Variants in FAAH observed in about 807,000 individuals in gnomAD.
The protein encoded by FAAH is fatty-acid amide hydrolase 1.
In FAAH, 63 loss-of-function variants were observed where a neutral mutation model predicts 69.7. The observed-to-expected ratio is 0.90, with a 90% CI of 0.74 to 1.12. FAAH has a LOEUF of 1.12. FAAH is among the 50% of genes most tolerant of loss of function. FAAH has a pLI of 0.00. For missense variants in FAAH, 680 were observed against 755.0 expected, an observed-to-expected ratio of 0.90 and a Z score of 1.16; for synonymous variants, 305 against 324.2, an observed-to-expected ratio of 0.94 and a Z score of 0.64.
At chr1:46,407,110 G>C (rs577703685) in intron 7 of FAAH, among the ~76,000 whole-genome samples, 5 of 151,974 alleles carry the variant, frequency 3.3e-5, no homozygotes, top group Admixed American at 1.3e-4. Flanking sequence ...GTGAGCCAGG[G>C]TCTGCAAGCA....
intron 1 of FAAH, among the ~76,000 whole-genome samples, chr1:46,396,672 C>G (rs989395152): frequency 1.3e-5 from 2 of 152,216 alleles, no homozygotes; most frequent in African/African-American, 4.8e-5. Context: ...CTAATTAAAC[C>G]TTGAGTCAAC....
intron 1 of FAAH, among the ~76,000 whole-genome samples, chr1:46,400,192 T>A (rs908430989): frequency 5.1e-5 from 2 of 39,152 alleles, no homozygotes; most frequent in African/African-American, 2.0e-4. Flanking sequence ...GTGTGGGGGG[T>A]GGGAGGGGGC....
Position 46,394,368 on chromosome 1 carries a change from G to T in FAAH, c.20G>T (p.Trp7Leu). Residue 7 changes from tryptophan (W) to leucine (L), a missense_variant, in exon 1 of 15, where the codon TGG (tryptophan) becomes TTG (leucine). Trp to Leu is a moderately conservative substitution (Grantham distance 61). Transcript: ENST00000243167. MVQYEL[W>L]AALPGASGVA... is the part of the protein sequence containing the mutation. ...GGGATCATGGTGCAGTACGAGCTGT[G>T]GGCCGCGCTGCCTGGCGCCTCCGGG... 6.5e-7 allele frequency: 1 copy of T among 1,548,908 alleles called. No homozygotes were observed. Among genetic ancestry groups the T allele is most frequent in the Non-Finnish European group, 8.7e-7 (1 of 1,152,628 alleles).
At position 46,397,117 on chromosome 1, in the gene FAAH, T is replaced by C. The variant is rs191029602; in HGVS notation, c.195+2574T>C. ...GCCCTCTCTGGCTGGGCGCTGGAGG[T>C]CCTCCTTAGAGATCCTCCTGTTTAT... is the stretch of plus-strand genomic sequence containing the variant. On this transcript the variant is annotated intron_variant, in intron 1 of 14. Transcript: ENST00000243167. Among the ~76,000 whole-genome samples the C allele has an allele frequency of 3.3e-4, 50 of 152,256 alleles. No individual in the cohort carries two copies. The East Asian group carries it at 9.3e-3, about 28-fold the overall frequency.
At position 46,411,581 on chromosome 1, in the gene FAAH, C is replaced by T; in HGVS notation, c.1317-31C>T. ...TGCTGATCTCCGTGGCTGTGACCAT[C>T]ATGGCTGGTGACCACACTCCTTCTG... On this transcript the variant is annotated intron_variant, in intron 11 of 14. Transcript: ENST00000243167. This position sits in a 1 kb window ranked among gnomAD's most constrained non-coding sequence, Gnocchi z 4.8. 6.2e-7 allele frequency: 1 copy of T among 1,613,624 alleles called. No individual in the cohort carries two copies. The highest frequency in any genetic ancestry group is 8.5e-7 in the Non-Finnish European group (1 of 1,179,744).
Position 46,406,021 on chromosome 1 carries a change from T to C in FAAH, c.786-17T>C, listed in dbSNP as rs1421206214. ...GTGGCCATTTCCTGTTTCCAGCATC[T>C]TATGTTTCTTATCCAGCAAGAGTGG... On this transcript the variant is annotated splice_polypyrimidine_tract_variant and intron_variant, in intron 5 of 14. Transcript: ENST00000243167. 1.2e-6 allele frequency: 2 copies of C among 1,614,068 alleles called. No individual in the cohort carries two copies. The highest frequency in any genetic ancestry group is 4.5e-5 in the East Asian group (2 of 44,904).
In FAAH at chr1:46,410,791, G is replaced by A. The variant is rs1212528889; in HGVS notation, c.1276-23G>A. The A allele has an allele frequency of 3.7e-6, 6 of 1,614,044 alleles. No homozygotes were observed. The highest frequency in any genetic ancestry group is 2.2e-5 in the East Asian group (1 of 44,896). The stretch of plus-strand genomic sequence containing the variant: ...TGCCGTGGCCCAGAGCTGAGTCACC[G>A]ACCCTGCGTCTGTCCTGTGCAGCTG... On this transcript the variant is annotated intron_variant, in intron 10 of 14. Transcript: ENST00000243167. The surrounding 1 kb of genome is among the most constrained non-coding windows in gnomAD (Gnocchi z 4.9).
Position 46,408,699 on chromosome 1 carries a change from G to A in FAAH, c.1077+115G>A. On this transcript the variant is annotated intron_variant, in intron 8 of 14. Transcript: ENST00000243167. ...TGGCACTCTGACGATGTTGTCGTCGGGGTGAACTGTGACCCTGTGGGACAA... is the reference window on the plus strand; with the variant it reads ...TGGCACTCTGACGATGTTGTCGTCGAGGTGAACTGTGACCCTGTGGGACAA... 1.2e-5 allele frequency: 19 copies of A among 1,527,462 alleles called. No individual in the cohort carries two copies. In the South Asian group the frequency reaches 1.9e-4, roughly 15 times the overall value. 94.6% of individuals were successfully genotyped at this position (1,527,462 alleles called of 1,614,324 possible). A position where few individuals can be genotyped will look rare whatever the true frequency, so the allele number is the denominator to read the frequency against.
In FAAH at chr1:46,410,355, A is replaced by G. The variant is rs1205388276; in HGVS notation, c.1176-43A>G. The G allele has an allele frequency of 6.6e-7, 1 of 1,517,200 alleles. No homozygotes were observed. Among genetic ancestry groups the G allele is most frequent in the South Asian group, 1.1e-5 (1 of 89,102 alleles). 94.0% of individuals were successfully genotyped at this position (1,517,200 alleles called of 1,614,324 possible). A position where few individuals can be genotyped will look rare whatever the true frequency, so the allele number is the denominator to read the frequency against. ...GGGCCGGGCGAGCAAGCTGGGAAGGATGTGGGGATGGGAGTGCCTGGACCG... is the reference window on the plus strand; with the variant it reads ...GGGCCGGGCGAGCAAGCTGGGAAGGGTGTGGGGATGGGAGTGCCTGGACCG... On this transcript the variant is annotated intron_variant, in intron 9 of 14. Transcript: ENST00000243167. The surrounding 1 kb of genome is among the most constrained non-coding windows in gnomAD (Gnocchi z 4.9).
At position 46,402,133 on chromosome 1, in the gene FAAH, C is replaced by T. The variant is rs1344602118; in HGVS notation, c.238C>T (p.Pro80Ser). Residue 80 changes from proline (P) to serine (S), a missense_variant, in exon 2 of 15, where the codon CCT becomes TCT. Coordinates refer to ENST00000243167, the MANE Select transcript of FAAH (RefSeq NM_001441.3). Reference protein sequence around the residue: ...DSEALLALPLPQLVQKLHSRE... With the variant: ...DSEALLALPLSQLVQKLHSRE... ...AGAGGCGCTGCTAGCCCTGCCCCTG[C>T]CTCAGCTGGTGCAGAAGTTACACAG... is the stretch of plus-strand genomic sequence containing the variant. 6.2e-7 allele frequency: 1 copy of T among 1,610,424 alleles called. No homozygotes were observed. Among genetic ancestry groups the T allele is most frequent in the Non-Finnish European group, 8.5e-7 (1 of 1,178,452 alleles).
In FAAH at chr1:46,410,903, G is replaced by A. The variant is rs200589206; in HGVS notation, c.1316+49G>A. ...TGCCGGCCCCTGCCTGTCCTGATCCGAGTCTGGGTCTGGGTAGTTTCTGAC... is the reference window on the plus strand; with the variant it reads ...TGCCGGCCCCTGCCTGTCCTGATCCAAGTCTGGGTCTGGGTAGTTTCTGAC... On this transcript the variant is annotated intron_variant, in intron 11 of 14. Transcript: ENST00000243167. This position sits in a 1 kb window ranked among gnomAD's most constrained non-coding sequence, Gnocchi z 4.9. 1.9e-5 allele frequency: 31 copies of A among 1,608,330 alleles called. No individual in the cohort carries two copies. In the African/African-American group the frequency reaches 3.5e-4, roughly 18 times the overall value.
chr1:46,402,751 G>C (rs1416226481), intron 2 of FAAH, among the ~76,000 whole-genome samples: 2 of 151,410 alleles, frequency 1.3e-5, no homozygotes, highest in African/African-American at 4.9e-5. Flanking sequence ...GGAATGCAGT[G>C]GCATGATCTT....
intron 13 of FAAH, 106 bp downstream of exon 13, chr1:46,412,357 G>A (rs954299766): frequency 1.0e-6 from 1 of 957,896 alleles, no homozygotes; most frequent in Non-Finnish European, 1.6e-6. Flanking sequence ...TGCCCTCTCG[G>A]GGCCCACAGT....
intron 1 of FAAH, among the ~76,000 whole-genome samples, chr1:46,395,155 G>C (rs6674305): frequency 0.22 from 34,134 of 152,176 alleles, 4,296 homozygotes; most frequent in Non-Finnish European, 0.29. Flanking sequence ...TGGCCAGGCT[G>C]ATCTCAAACG....
intron 14 of FAAH, 80 bp downstream of exon 14, chr1:46,413,300 G>A (rs1664950494): frequency 6.2e-7 from 1 of 1,611,782 alleles, no homozygotes; most frequent in Non-Finnish European, 8.5e-7. Flanking sequence ...TACCAGCACT[G>A]CGGGTTTGCC....
chr1:46,409,022 C>T, intron 8 of FAAH, 79 bp from the exon 9 acceptor site: 2 of 1,244,264 alleles, frequency 1.6e-6, no homozygotes, highest in Non-Finnish European at 2.4e-6. Context: ...CCAATCCATC[C>T]TCAGGGCCGC....
In FAAH at chr1:46,402,135, T is replaced by G; in HGVS notation, c.240T>G (p.Pro80=). ...AGGCGCTGCTAGCCCTGCCCCTGCCTCAGCTGGTGCAGAAGTTACACAGTA... is the reference window on the plus strand; with the variant it reads ...AGGCGCTGCTAGCCCTGCCCCTGCCGCAGCTGGTGCAGAAGTTACACAGTA... ...DSEALLALPL[P]QLVQKLHSRE... Residue 80 remains proline (P), a synonymous_variant, in exon 2 of 15, where the codon CCT becomes CCG. Transcript: ENST00000243167. 5 of 1,610,664 alleles carry G rather than the reference T, an allele frequency of 3.1e-6. No homozygotes were observed. The highest frequency in any genetic ancestry group is 4.2e-6 in the Non-Finnish European group (5 of 1,178,502).
Position 46,404,972 on chromosome 1 carries a change from G to A in FAAH, c.310-42G>A. ...ATATTTCACCACAATTTCTTAAAAA[G>A]GCCAGCCTCCTTTTATCTTATGTCT... On this transcript the variant is annotated intron_variant, in intron 2 of 14. Transcript: ENST00000243167. The surrounding 1 kb of genome is among the most constrained non-coding windows in gnomAD (Gnocchi z 4.5). The A allele has an allele frequency of 6.2e-7, 1 of 1,613,532 alleles. No homozygotes were observed. Among genetic ancestry groups the A allele is most frequent in the South Asian group, 1.1e-5 (1 of 91,052 alleles).
At chr1:46,406,726 C>T (rs561392) in intron 7 of FAAH, among the ~76,000 whole-genome samples, 4,579 of 151,586 alleles carry the variant, frequency 0.03, 83 homozygotes, top group Non-Finnish European at 0.04. Context: ...CTCAGCCTCC[C>T]GAGTAGCTGG....
Sources: allele counts gnomAD v4.1 joint callset (sites outside exome capture counted in the v4.1 genomes callset), GRCh38; gene constraint gnomAD v4.1.1; non-coding constraint Gnocchi (gnomAD v3.1); transcripts MANE v1.5; gene names NCBI Gene and HGNC (gene_info 2026-07-23, HGNC 2026-07-21).